Variants in LRP1B observed in about 807,000 individuals in gnomAD.
LRP1B encodes LDL receptor related protein 1B.
In LRP1B, 217 loss-of-function variants were observed where a neutral mutation model predicts 556.6. That is an observed-to-expected ratio of 0.39 (90% confidence interval 0.35 to 0.44). The LOEUF (loss-of-function observed/expected upper bound fraction) is 0.44, where lower values mean the gene tolerates loss of function less well. LRP1B is among the 20% of genes least tolerant of loss of function. LRP1B has a pLI of 1.00. For missense variants in LRP1B, 5,053 were observed against 5,620.8 expected (o/e 0.90, Z 3.23); for synonymous variants, 2,047 against 1,865.8 (o/e 1.10, Z -2.50).
chr2:142,070,994 T>C (rs1461025398), intron 1 of LRP1B, among the ~76,000 whole-genome samples: 2 of 151,814 alleles, frequency 1.3e-5, no homozygotes, highest in East Asian at 1.9e-4. Context: ...GAAAAGTAAA[T>C]TGAGAAAGGC....
intron 3 of LRP1B, among the ~76,000 whole-genome samples, chr2:141,283,453 A>G (rs755479510): frequency 2.4e-4 from 37 of 152,010 alleles, no homozygotes; most frequent in Non-Finnish European, 5.0e-4. Flanking sequence ...TGAGGTGGGA[A>G]AGGCTACAGA....
intron 3 of LRP1B, among the ~76,000 whole-genome samples, chr2:141,475,270 G>A (rs1305707340): frequency 1.3e-5 from 2 of 152,144 alleles, no homozygotes; most frequent in Non-Finnish European, 2.9e-5. Context: ...GGGACACTGA[G>A]GCAGGAGAAT....
At chr2:141,724,690 TTTAAACCA>T (rs1043568396) in intron 2 of LRP1B, among the ~76,000 whole-genome samples, 1 of 151,104 alleles carries the variant, frequency 6.6e-6, no homozygotes, top group Non-Finnish European at 1.5e-5. Flanking sequence ...TTTGTTTTCA[TTTAAACCA>T]TTAAATGGTG....
intron 59 of LRP1B, among the ~76,000 whole-genome samples, chr2:140,476,177 T>C (rs1445654258): frequency 1.3e-5 from 2 of 152,174 alleles, no homozygotes; most frequent in African/African-American, 4.8e-5. Context: ...CCATTTGTGT[T>C]TTTCCTCAAA....
intron 1 of LRP1B, among the ~76,000 whole-genome samples, chr2:141,834,243 C>A (rs1697197279): frequency 6.6e-6 from 1 of 151,824 alleles, no homozygotes; most frequent in South Asian, 2.1e-4. Flanking sequence ...GAAGCAGCAT[C>A]TGGCTATGCT....
intron 86 of LRP1B, among the ~76,000 whole-genome samples, chr2:140,249,524 C>T (rs957374111): frequency 5.9e-5 from 9 of 151,486 alleles, no homozygotes; most frequent in South Asian, 2.1e-4. Context: ...GACTATTTTA[C>T]TTATTATATA....
intron 75 of LRP1B, among the ~76,000 whole-genome samples, chr2:140,353,772 T>C (rs1157768003): frequency 6.6e-6 from 1 of 152,080 alleles, no homozygotes; most frequent in East Asian, 1.9e-4. Context: ...TAAATTATGA[T>C]ACATTCCTTT....
Position 141,935,458 on chromosome 2 carries a change from G to A in LRP1B, c.83-125057C>T, listed in dbSNP as rs147583112. Among the ~76,000 whole-genome samples the A allele has an allele frequency of 2.7e-3, 417 of 152,176 alleles. 1 individual carries two copies. The highest frequency in any genetic ancestry group is 9.2e-3 in the African/African-American group (381 of 41,522). On this transcript the variant is annotated intron_variant, in intron 1 of 90. Coordinates refer to ENST00000389484, the MANE Select transcript of LRP1B (RefSeq NM_018557.3). ...TAGACATTTTAAAATTTCTTAGATG[G>A]CCATTAAAGTTACAGAAATTGACAG...
chr2:141,529,095 T>G lies in LRP1B; in HGVS notation c.206-48562A>C, dbSNP rs539949989. ...TTACCTGAAACATGTTTGGCAACATTGACCGTGAAGCCTGGCCTGTGGCCT... is the reference window on the plus strand; with the variant it reads ...TTACCTGAAACATGTTTGGCAACATGGACCGTGAAGCCTGGCCTGTGGCCT... On this transcript the variant is annotated intron_variant, in intron 2 of 90. Transcript: ENST00000389484. Among the ~76,000 whole-genome samples the G allele has an allele frequency of 9.8e-5, 15 of 152,318 alleles. 1 individual carries two copies. In the South Asian group the frequency reaches 3.1e-3, roughly 32 times the overall value.
chr2:140,245,046 T>C (rs886308826), intron 87 of LRP1B, among the ~76,000 whole-genome samples: 3 of 151,414 alleles, frequency 2.0e-5, no homozygotes, highest in Non-Finnish European at 4.4e-5. Flanking sequence ...AAGCATCTAA[T>C]AGAGTCATTA....
At chr2:140,484,743 T>C (rs1688396396) in intron 59 of LRP1B, among the ~76,000 whole-genome samples, 1 of 152,158 alleles carries the variant, frequency 6.6e-6, no homozygotes, top group Admixed American at 6.5e-5. Flanking sequence ...TTCAGATGTG[T>C]TCATCCCTCA....
At chr2:140,673,872 T>TCTTTG (rs775510196) in intron 41 of LRP1B, among the ~76,000 whole-genome samples, 1 of 152,032 alleles carries the variant, frequency 6.6e-6, no homozygotes, top group Non-Finnish European at 1.5e-5. Context: ...CAGAACAGAC[T>TCTTTG]CTTTGTAGCA....
intron 2 of LRP1B, among the ~76,000 whole-genome samples, chr2:141,717,073 T>G (rs1457412071): frequency 6.6e-6 from 1 of 152,160 alleles, no homozygotes; most frequent in Non-Finnish European, 1.5e-5. Flanking sequence ...TTGCTTGACC[T>G]GATTTGATTC....
intron 3 of LRP1B, among the ~76,000 whole-genome samples, chr2:141,274,169 A>G: frequency 6.6e-6 from 1 of 152,220 alleles, no homozygotes; most frequent in Non-Finnish European, 1.5e-5. Flanking sequence ...TCAAAAAGTT[A>G]TAAGTAGAGT....
chr2:141,793,142 C>G (rs1386459331), intron 2 of LRP1B, among the ~76,000 whole-genome samples: 1 of 151,842 alleles, frequency 6.6e-6, no homozygotes, highest in East Asian at 1.9e-4. Context: ...TATTCATAGT[C>G]AAGTATCTTT....
chr2:140,783,210 A>C (rs1689762258), intron 32 of LRP1B, among the ~76,000 whole-genome samples: 1 of 152,070 alleles, frequency 6.6e-6, no homozygotes, highest in Non-Finnish European at 1.5e-5. Context: ...TTATTTTTGA[A>C]ATATTCAGAG....
chr2:140,372,859 A>G, intron 69 of LRP1B, 149 bp downstream of exon 69: 1 of 776,798 alleles, frequency 1.3e-6, no homozygotes, highest in South Asian at 1.6e-5. Context: ...AGCACACACT[A>G]ATTAATTTAT....
At chr2:140,458,008 A>G (rs1037485302) in intron 60 of LRP1B, among the ~76,000 whole-genome samples, 1 of 152,176 alleles carries the variant, frequency 6.6e-6, no homozygotes, top group African/African-American at 2.4e-5. Context: ...ATACATATAC[A>G]TATTTACATA....
chr2:141,278,496 T>C (rs1685387872), intron 3 of LRP1B, among the ~76,000 whole-genome samples: 1 of 152,150 alleles, frequency 6.6e-6, no homozygotes, highest in South Asian at 2.1e-4. Context: ...TTTAATTAAC[T>C]ACATGTACTG....
Sources: allele counts gnomAD v4.1 joint callset (sites outside exome capture counted in the v4.1 genomes callset), GRCh38; gene constraint gnomAD v4.1.1; transcripts MANE v1.5; gene names NCBI Gene and HGNC (gene_info 2026-07-23, HGNC 2026-07-21).